The following NOTCH2 variants were observed in gnomAD, a reference collection of about 807,000 sequenced individuals.
The protein encoded by NOTCH2 is neurogenic locus notch homolog protein 2.
Under a neutral mutation model 235.8 loss-of-function variants are expected in NOTCH2, and 29 were observed. The ratio of observed to expected loss-of-function variants is 0.12; its 90% CI spans 0.09 to 0.17. NOTCH2 has a LOEUF of 0.17. Ranked by LOEUF, NOTCH2 falls within the 10% of genes least tolerant of loss-of-function variation. The pLI is 1.00. For synonymous variants in NOTCH2, 1,086 were observed against 1,141.5 expected (o/e 0.95, Z 0.98); for missense variants, 2,285 against 3,150.2 (o/e 0.73, Z 6.57).
At position 119,941,597 on chromosome 1, in the gene NOTCH2, A is replaced by G; in HGVS notation, c.2910T>C (p.Ser970=). 6.2e-7 allele frequency: 1 copy of G among 1,614,134 alleles called. No homozygotes were observed. The highest frequency in any genetic ancestry group is 8.5e-7 in the Non-Finnish European group (1 of 1,180,014). ...NGGTCSDYVN[S]YTCKCQAGFD... is the part of the protein sequence containing the mutation. ...ATCCTGCCTGGCACTTGCAAGTGTA[A>G]CTGTTGACGTAGTCAGAGCAGGTCC... is the stretch of plus-strand genomic sequence containing the variant. Residue 970 remains serine, a synonymous_variant, in exon 18 of 34, where the codon AGT becomes AGC. Transcript: ENST00000256646.
At chr1:119,977,070 T>A (rs1651612291) in intron 5 of NOTCH2, among the ~76,000 whole-genome samples, 1 of 152,108 alleles carries the variant, frequency 6.6e-6, no homozygotes, top group South Asian at 2.1e-4. Context: ...AGACTGTCAG[T>A]GCCATGAAGA....
intron 17 of NOTCH2, among the ~76,000 whole-genome samples, chr1:119,944,232 G>A (rs1553196792): frequency 6.6e-6 from 1 of 151,918 alleles, no homozygotes; most frequent in Non-Finnish European, 1.5e-5. Flanking sequence ...CCAAACAGAA[G>A]AAACATAAAG....
chr1:119,939,182 G>T (rs1649976773), intron 19 of NOTCH2, among the ~76,000 whole-genome samples: 1 of 152,106 alleles, frequency 6.6e-6, no homozygotes. Flanking sequence ...AGCAGCTCTG[G>T]CCAAAAACAG....
chr1:119,999,992 G>A (rs2603820), intron 3 of NOTCH2, among the ~76,000 whole-genome samples: 90 of 144,828 alleles, frequency 6.2e-4, no homozygotes, highest in African/African-American at 1.7e-3. Flanking sequence ...AGGAAGGAAG[G>A]AAGGAAGGAA....
In NOTCH2 at chr1:119,914,858, T is replaced by C. The variant is rs41277622; in HGVS notation, c.*448A>G. 4.9e-3 allele frequency: 1,532 copies of C among 313,580 alleles called. 12 individuals carry two copies. Among genetic ancestry groups the C allele is most frequent in the Non-Finnish European group, 6.7e-3 (1,115 of 167,448 alleles). The allele number at this position is 313,580 out of a possible 1,614,324, so 19.4% of individuals were successfully genotyped here. A position where few individuals can be genotyped will look rare whatever the true frequency, so the allele number is the denominator to read the frequency against. ...AAAGCACCAAATGAAGACAAAAGAATGTCCAAGGAGGAGGAGATGCGTAGG... is the reference window on the plus strand; with the variant it reads ...AAAGCACCAAATGAAGACAAAAGAACGTCCAAGGAGGAGGAGATGCGTAGG... On this transcript the variant is annotated 3_prime_UTR_variant, in exon 34 of 34. Coordinates refer to ENST00000256646, the MANE Select transcript of NOTCH2 (RefSeq NM_024408.4).
chr1:119,941,063 T>C (rs950704013), intron 18 of NOTCH2, among the ~76,000 whole-genome samples: 1 of 152,250 alleles, frequency 6.6e-6, no homozygotes, highest in African/African-American at 2.4e-5. Context: ...ATTTTATCTC[T>C]AAGTCAATTT....
intron 17 of NOTCH2, among the ~76,000 whole-genome samples, chr1:119,945,172 C>T: frequency 6.6e-6 from 1 of 151,954 alleles, no homozygotes; most frequent in East Asian, 1.9e-4. Context: ...AAGCTGCACA[C>T]CAGTAAACCC....
intron 1 of NOTCH2, among the ~76,000 whole-genome samples, chr1:120,042,639 T>G (rs1654622397): frequency 1.5e-5 from 2 of 136,656 alleles, no homozygotes; most frequent in South Asian, 2.3e-4. Context: ...GGTGATTAAG[T>G]AATATTTCTC....
chr1:120,051,274 C>CACAT (rs782519740), intron 1 of NOTCH2, among the ~76,000 whole-genome samples: 25 of 102,572 alleles, frequency 2.4e-4, no homozygotes, highest in Non-Finnish European at 3.5e-4. Context: ...CACACACACA[C>CACAT]GCACACACAC....
intron 9 of NOTCH2, 127 bp from the exon 10 acceptor site, chr1:119,965,693 C>T (rs1553199582): frequency 1.3e-6 from 1 of 769,756 alleles, no homozygotes; most frequent in Non-Finnish European, 2.4e-6. Flanking sequence ...TTATTATTCT[C>T]CCCAACAGGT....
Position 119,941,728 on chromosome 1 carries a change from T to C in NOTCH2, c.2779A>G (p.Met927Val), listed in dbSNP as rs782350554. ...ANPCQNGGSC[M>V]DGVNTFSCLC... ...CAGGAGAAAGTATTCACTCCATCCA[T>C]ACAGGAACCTCCATTCTGGCAAGGA... The change falls in exon 18 of 34, where the codon ATG (methionine) becomes GTG (valine). Residue 927 changes from methionine (M) to valine (V), a missense_variant. Met to Val is a conservative substitution (Grantham distance 21). Transcript: ENST00000256646. The C allele has an allele frequency of 3.7e-6, 6 of 1,614,004 alleles. No individual in the cohort carries two copies. Among genetic ancestry groups the C allele is most frequent in the South Asian group, 1.1e-5 (1 of 91,076 alleles).
rs1357963095 is a variant in NOTCH2, at chr1:120,049,047, G to A, written c.74-19060C>T. On this transcript the variant is annotated intron_variant, in intron 1 of 33. Transcript: ENST00000256646. ...CACCTATAAGCATCAATAAACAGTAGGACTGTTGTCAGGTTAACCCAGGAC... is the reference window on the plus strand; with the variant it reads ...CACCTATAAGCATCAATAAACAGTAAGACTGTTGTCAGGTTAACCCAGGAC... Among the ~76,000 whole-genome samples, 41 of 32,484 alleles carry A rather than the reference G, an allele frequency of 1.3e-3. No homozygotes were observed. The Middle Eastern group carries it at 0.032, about 25-fold the overall frequency. 21.3% of individuals were successfully genotyped at this position (32,484 alleles called of 152,430 possible). A position where few individuals can be genotyped will look rare whatever the true frequency, so the allele number is the denominator to read the frequency against.
At chr1:119,977,087 G>T (rs1651613084) in intron 5 of NOTCH2, among the ~76,000 whole-genome samples, 1 of 152,046 alleles carries the variant, frequency 6.6e-6, no homozygotes, top group Non-Finnish European at 1.5e-5. Context: ...AAGAAATGGG[G>T]GGTAGCTGTT....
chr1:120,005,058 G>C (rs587611077), intron 3 of NOTCH2, among the ~76,000 whole-genome samples: 6 of 152,292 alleles, frequency 3.9e-5, no homozygotes, highest in East Asian at 3.9e-4. Context: ...AAAGTGCTGG[G>C]ATTGCAAGCG....
intron 17 of NOTCH2, among the ~76,000 whole-genome samples, chr1:119,945,000 T>C (rs1650203543): frequency 6.6e-6 from 1 of 152,044 alleles, no homozygotes; most frequent in East Asian, 1.9e-4. Context: ...TTTTCAAATA[T>C]CTTGAAAAAA....
rs1447985735 is a variant in NOTCH2 at position 119,925,648 on chromosome 1, G to A, written c.4168C>T (p.His1390Tyr). ...TAATAAGGAGGCTGGCGCTGAGGGT[G>A]GCAGCTGCCCCCGTGCTGGCAGGGG... ...SSPCQHGGSC[H>Y]PQRQPPYYSC... The change falls in exon 25 of 34, where the codon CAC becomes TAC. Residue 1390 changes from histidine (H) to tyrosine (Y), a missense_variant. This residue lies in a region of NOTCH2 where 1,173 missense variants were observed against 1,515.3 expected (regional missense o/e 0.77). Coordinates refer to ENST00000256646, the MANE Select transcript of NOTCH2 (RefSeq NM_024408.4). The A allele has an allele frequency of 1.9e-6, 3 of 1,612,884 alleles. No individual in the cohort carries two copies. Among genetic ancestry groups the A allele is most frequent in the South Asian group, 1.1e-5 (1 of 91,056 alleles).
At chr1:120,045,272 ACTGT>A (rs1427781557) in intron 1 of NOTCH2, among the ~76,000 whole-genome samples, 1 of 49,242 alleles carries the variant, frequency 2.0e-5, no homozygotes, top group Non-Finnish European at 3.1e-5. Flanking sequence ...AATGAAATAA[ACTGT>A]CTAATTTATT....
Position 119,912,717 on chromosome 1 carries a change from G to A in NOTCH2, c.*2589C>T, listed in dbSNP as rs3795664. ...ATAAAAGATGTGTCTCATAAAAACT[G>A]AGTCTCCAATTCAGAACCCAAATGA... On this transcript the variant is annotated 3_prime_UTR_variant, in exon 34 of 34. Transcript: ENST00000256646. 352 of 233,478 alleles carry A rather than the reference G, an allele frequency of 1.5e-3. 5 individuals carry two copies. In the East Asian group the frequency reaches 0.019, roughly 13 times the overall value. The allele number at this position is 233,478 out of a possible 1,614,324, so 14.5% of individuals were successfully genotyped here.
At chr1:120,048,490 C>CCAGA (rs1654892354) in intron 1 of NOTCH2, among the ~76,000 whole-genome samples, 1 of 113,412 alleles carries the variant, frequency 8.8e-6, no homozygotes, top group Non-Finnish European at 1.7e-5. Context: ...GCTCTGTCAC[C>CCAGA]CAGACAGATG....
Sources: allele counts gnomAD v4.1 joint callset (sites outside exome capture counted in the v4.1 genomes callset), GRCh38; gene constraint gnomAD v4.1.1; regional missense constraint gnomAD v4.1.1; transcripts MANE v1.5; gene names NCBI Gene and HGNC (gene_info 2026-07-23, HGNC 2026-07-21).